DAPK2: variants seen among roughly 807,000 people sequenced by gnomAD.
The protein encoded by DAPK2 is death associated protein kinase 2.
A neutral mutation model predicts 44.1 loss-of-function variants in DAPK2; 35 were observed. The ratio of observed to expected loss-of-function variants is 0.79; its 90% CI spans 0.61 to 1.05. The LOEUF is 1.05. Ranked by LOEUF, DAPK2 falls within the 50% of genes least tolerant of loss-of-function variation. The pLI is 0.00. For synonymous variants in DAPK2, 174 were observed against 182.6 expected (o/e 0.95, Z 0.38); for missense variants, 453 against 483.2 (o/e 0.94, Z 0.59).
intron 8 of DAPK2, chr15:63,922,823 G>A (rs1207999250): frequency 2.0e-6 from 3 of 1,535,756 alleles, no homozygotes; most frequent in Non-Finnish European, 1.7e-6. Flanking sequence ...GTAGAATGTG[G>A]AGCCCAGGCC....
Position 63,923,136 on chromosome 15 carries a change from T to A in DAPK2, c.858+1680A>T. 2.0e-6 allele frequency: 3 copies of A among 1,535,870 alleles called. No individual in the cohort carries two copies. Among genetic ancestry groups the A allele is most frequent in the Non-Finnish European group, 2.6e-6 (3 of 1,146,740 alleles). On this transcript the variant is annotated intron_variant, in intron 8 of 10. Coordinates refer to ENST00000261891, the Ensembl canonical transcript of DAPK2. This position sits in a 1 kb window ranked among gnomAD's most constrained non-coding sequence, Gnocchi z 4.2. ...ACCAGGGCCTCCACATCGTCCTGGA[T>A]GGTATCGTGGGCCTCCACCAGGGCA...
At position 63,990,937 on chromosome 15, in the gene DAPK2, C is replaced by T. The variant is rs2047161803; in HGVS notation, c.93-7183G>A. ...GCCTGGGGATGGTGTCACTGAGCCC[C>T]CTCCCTACTCCTCTGCCTGGCCAGG... On this transcript the variant is annotated intron_variant, in intron 1 of 10. Coordinates refer to ENST00000261891, the Ensembl canonical transcript of DAPK2. The surrounding 1 kb of genome is among the most constrained non-coding windows in gnomAD (Gnocchi z 4.3). Among the ~76,000 whole-genome samples the T allele has an allele frequency of 6.6e-6, 1 of 152,130 alleles. No homozygotes were observed. Among genetic ancestry groups the T allele is most frequent in the South Asian group, 2.1e-4 (1 of 4,828 alleles).
rs1170864075 is a variant in DAPK2, at chr15:64,013,427, G to A, written c.92+26743C>T. ...TACGTGCCTTTAAGACTTAGTAATT[G>A]GGCAGAAAAGTGAAACCAGGAGAGA... On this transcript the variant is annotated intron_variant, in intron 1 of 10. Coordinates refer to ENST00000261891, the Ensembl canonical transcript of DAPK2. The surrounding 1 kb of genome is among the most constrained non-coding windows in gnomAD (Gnocchi z 4.7). Among the ~76,000 whole-genome samples, 1 of 152,198 alleles carries A rather than the reference G, an allele frequency of 6.6e-6. No individual in the cohort carries two copies. The highest frequency in any genetic ancestry group is 1.5e-5 in the Non-Finnish European group (1 of 68,038).
intron 1 of DAPK2, among the ~76,000 whole-genome samples, chr15:64,035,939 C>T (rs981392288): frequency 1.3e-5 from 2 of 152,102 alleles, no homozygotes; most frequent in Non-Finnish European, 2.9e-5. Flanking sequence ...TGCTCTTACT[C>T]ATAGGATAAG....
At chr15:64,007,722 T>C (rs1055820254) in intron 1 of DAPK2, among the ~76,000 whole-genome samples, 1 of 152,242 alleles carries the variant, frequency 6.6e-6, no homozygotes, top group Non-Finnish European at 1.5e-5. Context: ...CATACAACTA[T>C]GTTTGCTGTG....
At chr15:63,948,602 C>T (rs767781846) in intron 3 of DAPK2, among the ~76,000 whole-genome samples, 17 of 152,144 alleles carry the variant, frequency 1.1e-4, no homozygotes, top group Non-Finnish European at 1.5e-4. Context: ...CAATTCAACA[C>T]GAGATTTAGG....
At chr15:63,948,270 C>CAACAAAAAAAAAAAA (rs2077500692) in intron 3 of DAPK2, among the ~76,000 whole-genome samples, 1 of 51,920 alleles carries the variant, frequency 1.9e-5, no homozygotes, top group Non-Finnish European at 3.1e-5. Flanking sequence ...GACTCCATCT[C>CAACAAAAAAAAAAAA]AAAAAAAAAA....
intron 4 of DAPK2, among the ~76,000 whole-genome samples, chr15:63,933,399 A>G (rs2077032576): frequency 6.6e-6 from 1 of 152,042 alleles, no homozygotes; most frequent in Admixed American, 6.6e-5. Flanking sequence ...GCACGCCACC[A>G]CAACAAGCTA....
At chr15:63,985,045 A>G (rs548013072) in intron 1 of DAPK2, among the ~76,000 whole-genome samples, 8 of 152,312 alleles carry the variant, frequency 5.3e-5, no homozygotes, top group African/African-American at 1.9e-4. Context: ...GCATCTCTCC[A>G]TTGCCTTAAT....
In DAPK2 at chr15:63,911,168, G is replaced by A. The variant is rs142751532; in HGVS notation, c.1032+740C>T. On this transcript the variant is annotated intron_variant, in intron 10 of 10. Transcript: ENST00000261891. ...CAGGAGGCAGAGGTTGCGGTGAGCC[G>A]AGATCGCGCCATTGCACTCCAACCT... The A allele has an allele frequency of 8.4e-3, 1,251 of 149,394 alleles. 7 individuals are homozygous for A. The highest frequency in any genetic ancestry group is 0.014 in the South Asian group (69 of 4,840). 9.3% of individuals were successfully genotyped at this position (149,394 alleles called of 1,614,324 possible). A position where few individuals can be genotyped will look rare whatever the true frequency, so the allele number is the denominator to read the frequency against.
chr15:64,042,966 C>T (rs2080382908), upstream of DAPK2, among the ~76,000 whole-genome samples: 1 of 152,156 alleles, frequency 6.6e-6, no homozygotes, highest in Admixed American at 6.6e-5. This position sits in a 1 kb window ranked among gnomAD's most constrained non-coding sequence, Gnocchi z 4.7. Context: ...TTTTAGGGTT[C>T]GAGTTGATCA....
intron 1 of DAPK2, among the ~76,000 whole-genome samples, chr15:64,007,377 C>T (rs1458058990): frequency 6.6e-6 from 1 of 152,064 alleles, no homozygotes; most frequent in African/African-American, 2.4e-5. Context: ...CAGTTCCCCC[C>T]AGTCTTCCTT....
intron 10 of DAPK2, chr15:63,911,090 A>C (rs1297801237): frequency 6.5e-6 from 1 of 153,108 alleles, no homozygotes; most frequent in Non-Finnish European, 1.5e-5. Context: ...GTGGTGGCGC[A>C]TGACTGTAAT....
intron 3 of DAPK2, among the ~76,000 whole-genome samples, chr15:63,968,320 A>C (rs957914674): frequency 2.0e-5 from 3 of 152,232 alleles, no homozygotes; most frequent in African/African-American, 7.2e-5. Flanking sequence ...TCAGGTCCTC[A>C]CAACTCTAAG....
chr15:63,922,939 G>A (rs2079121918), intron 8 of DAPK2: 1 of 1,535,892 alleles, frequency 6.5e-7, no homozygotes, highest in Non-Finnish European at 8.7e-7. Flanking sequence ...CTTGCAGATG[G>A]TCCAGTTTCC....
At chr15:63,995,617 T>C (rs1283376440) in intron 1 of DAPK2, among the ~76,000 whole-genome samples, 3 of 152,366 alleles carry the variant, frequency 2.0e-5, no homozygotes, top group East Asian at 1.9e-4. Flanking sequence ...GGTCACTCCA[T>C]GCAGGGTATA....
exon 11 of DAPK2, chr15:63,907,799 G>C (rs1476416698): frequency 6.6e-6 from 1 of 152,296 alleles, no homozygotes; most frequent in African/African-American, 2.4e-5. Context: ...GGCCTGCGCG[G>C]ACGGTTCAGG....
intron 1 of DAPK2, among the ~76,000 whole-genome samples, chr15:63,996,012 T>C (rs927896833): frequency 6.6e-6 from 1 of 152,242 alleles, no homozygotes; most frequent in Admixed American, 6.5e-5. Flanking sequence ...TATTTCCTTT[T>C]TGTTATCTTG....
At chr15:64,035,994 C>T (rs1202096939) in intron 1 of DAPK2, among the ~76,000 whole-genome samples, 1 of 151,970 alleles carries the variant, frequency 6.6e-6, no homozygotes, top group African/African-American at 2.4e-5. Context: ...TGGACCAGGC[C>T]AGGGCAAGAA....
Sources: allele counts gnomAD v4.1 joint callset (sites outside exome capture counted in the v4.1 genomes callset), GRCh38; gene constraint gnomAD v4.1.1; non-coding constraint Gnocchi (gnomAD v3.1); transcripts MANE v1.5; gene names NCBI Gene and HGNC (gene_info 2026-07-23, HGNC 2026-07-21).